Variants in SHQ1 observed in about 807,000 individuals in gnomAD.
SHQ1 encodes the protein protein SHQ1 homolog.
A neutral mutation model predicts 53.8 loss-of-function variants in SHQ1; 49 were observed. The ratio of observed to expected loss-of-function variants is 0.91; its 90% confidence interval spans 0.72 to 1.16. SHQ1 has a LOEUF of 1.16. Ranked by LOEUF, SHQ1 falls within the 50% of genes most tolerant of loss-of-function variation. The pLI is 0.00. For synonymous variants in SHQ1, 243 were observed against 251.0 expected, an observed-to-expected ratio of 0.97 and a Z score of 0.30; for missense variants, 738 against 683.1, an observed-to-expected ratio of 1.08 and a Z score of -0.90.
At chr3:72,840,925 T>C in intron 4 of SHQ1, 120 bp downstream of exon 4, 1 of 1,213,814 alleles carries the variant, frequency 8.2e-7, no homozygotes, top group East Asian at 2.4e-5. Flanking sequence ...CTAAGTGCTT[T>C]AAATACAATC....
chr3:72,811,714 A>G lies in SHQ1; in HGVS notation c.1060+957T>C, dbSNP rs371645848. Among the ~76,000 whole-genome samples, 9 of 152,334 alleles carry G rather than the reference A, an allele frequency of 5.9e-5. No homozygotes were observed. The East Asian group carries it at 9.6e-4, about 16-fold the overall frequency. On this transcript the variant is annotated intron_variant, in intron 9 of 10. Transcript: ENST00000325599. ...CAAGAAGACTACAGGTTACACAGAA[A>G]GCGAAGTACACTTCCAGGTGAGACA...
intron 10 of SHQ1, among the ~76,000 whole-genome samples, chr3:72,790,788 C>A (rs1056346862): frequency 2.6e-5 from 4 of 152,116 alleles, no homozygotes; most frequent in Non-Finnish European, 2.9e-5. Flanking sequence ...GAAAGCAACA[C>A]GCCTGTTTAG....
At chr3:72,780,718 A>G (rs6805234) in intron 10 of SHQ1, among the ~76,000 whole-genome samples, 50,747 of 152,072 alleles carry the variant, frequency 0.33, 10,529 homozygotes, top group African/African-American at 0.59. Context: ...ATGATCATCA[A>G]AAGAGACATC....
At chr3:72,793,136 T>G in intron 9 of SHQ1, 100 bp from the exon 10 acceptor site, 1 of 1,096,716 alleles carries the variant, frequency 9.1e-7, no homozygotes, top group South Asian at 1.6e-5. Flanking sequence ...TGATCATTTC[T>G]TAAGAACATT....
intron 1 of SHQ1, chr3:72,846,402 C>T (rs1708330423): frequency 7.7e-6 from 9 of 1,162,230 alleles, no homozygotes; most frequent in Non-Finnish European, 1.1e-5. Context: ...TCAAGCGATT[C>T]TCTCACCTCA....
intron 10 of SHQ1, among the ~76,000 whole-genome samples, chr3:72,778,013 CTT>C: frequency 6.6e-6 from 1 of 152,228 alleles, no homozygotes; most frequent in African/African-American, 2.4e-5. Flanking sequence ...AAAAACTAAA[CTT>C]GAGATATATG....
downstream of SHQ1, among the ~76,000 whole-genome samples, chr3:72,745,143 T>A (rs2106689063): frequency 7.0e-6 from 1 of 142,420 alleles, no homozygotes; most frequent in South Asian, 2.2e-4. Context: ...TATCCAGGAG[T>A]CTGGTTTTTT....
chr3:72,757,399 T>TG (rs1284481826), intron 10 of SHQ1, among the ~76,000 whole-genome samples: 1 of 150,444 alleles, frequency 6.6e-6, no homozygotes, highest in East Asian at 1.9e-4. Flanking sequence ...TTTTTTTTTT[T>TG]GAAAGATGGG....
intron 9 of SHQ1, among the ~76,000 whole-genome samples, chr3:72,802,345 C>T (rs1706814248): frequency 6.6e-6 from 1 of 152,186 alleles, no homozygotes; most frequent in African/African-American, 2.4e-5. Flanking sequence ...ACTAACCTCA[C>T]CCTTCTCAAT....
At chr3:72,833,866 C>T (rs1236633684) in intron 4 of SHQ1, among the ~76,000 whole-genome samples, 4 of 152,180 alleles carry the variant, frequency 2.6e-5, no homozygotes, top group African/African-American at 7.2e-5. Context: ...ACTACTCCTG[C>T]TACCAACCAC....
rs75154377 is a variant in SHQ1 at position 72,767,906 on chromosome 3, C to T, written c.1182-17070G>A. 4.7e-3 allele frequency among the ~76,000 whole-genome samples: 713 copies of T among 152,242 alleles called. 4 individuals are homozygous for T. The highest frequency in any genetic ancestry group is 0.016 in the African/African-American group (666 of 41,548). On this transcript the variant is annotated intron_variant, in intron 10 of 10. Transcript: ENST00000325599. ...AAGCCTAATTATGGTTTGATTCAAA[C>T]GATGCTATCAAAATGCTTCCTGCGT... is the stretch of plus-strand genomic sequence containing the variant.
intron 9 of SHQ1, chr3:72,795,334 G>T (rs1385013473): frequency 6.6e-6 from 1 of 152,198 alleles, no homozygotes; most frequent in Non-Finnish European, 1.5e-5. Flanking sequence ...AGTGGCACAG[G>T]TTAACTATGT....
chr3:72,726,093 T>A, the SHQ1 span, among the ~76,000 whole-genome samples: 3 of 152,142 alleles, frequency 2.0e-5, no homozygotes, highest in South Asian at 6.2e-4. Flanking sequence ...AACATTAAGA[T>A]CCAGTCTCTA....
intron 10 of SHQ1, among the ~76,000 whole-genome samples, chr3:72,757,461 C>T (rs1170046156): frequency 9.5e-6 from 1 of 105,480 alleles, no homozygotes; most frequent in Admixed American, 8.6e-5. Flanking sequence ...AGCAGTAATA[C>T]CACAATACAA....
Position 72,811,717 on chromosome 3 carries a change from G to A in SHQ1, c.1060+954C>T, listed in dbSNP as rs114345593. Among the ~76,000 whole-genome samples, 841 of 152,318 alleles carry A rather than the reference G, an allele frequency of 5.5e-3. 8 individuals are homozygous for A. Among genetic ancestry groups the A allele is most frequent in the African/African-American group, 0.018 (749 of 41,580 alleles). ...GAAGACTACAGGTTACACAGAAAGC[G>A]AAGTACACTTCCAGGTGAGACAAAA... On this transcript the variant is annotated intron_variant, in intron 9 of 10. Coordinates refer to ENST00000325599, the MANE Select transcript of SHQ1 (RefSeq NM_018130.3).
intron 10 of SHQ1, among the ~76,000 whole-genome samples, chr3:72,769,361 A>C (rs536940147): frequency 6.6e-6 from 1 of 152,334 alleles, no homozygotes; most frequent in Non-Finnish European, 1.5e-5. Flanking sequence ...GAGAGCCAAA[A>C]GTGACCCAAG....
chr3:72,732,314 A>C, the SHQ1 span, among the ~76,000 whole-genome samples: 1 of 147,450 alleles, frequency 6.8e-6, no homozygotes, highest in South Asian at 2.2e-4. Context: ...AGCTCCTTCC[A>C]CCCTGGACCT....
chr3:72,743,712 C>G, the SHQ1 span, among the ~76,000 whole-genome samples: 3,308 of 152,282 alleles, frequency 0.022, 56 homozygotes, highest in Middle Eastern at 0.054. Context: ...CAACAAGTGT[C>G]GTCTGAAGGT....
chr3:72,729,765 C>CA, the SHQ1 span, among the ~76,000 whole-genome samples: 1 of 152,110 alleles, frequency 6.6e-6, no homozygotes, highest in East Asian at 1.9e-4. Context: ...AGTTCAAAAG[C>CA]AAAATTCCAC....
Sources: allele counts gnomAD v4.1 joint callset (sites outside exome capture counted in the v4.1 genomes callset), GRCh38; gene constraint gnomAD v4.1.1; transcripts MANE v1.5; gene names NCBI Gene and HGNC (gene_info 2026-07-23, HGNC 2026-07-21).